CSMD1: variants seen among roughly 807,000 people sequenced by gnomAD.
CSMD1 encodes CUB and Sushi multiple domains 1.
CSMD1 carries 213 observed loss-of-function variants against 417.5 expected under a neutral mutation model. The ratio of observed to expected loss-of-function variants is 0.51; its 90% CI spans 0.46 to 0.57. CSMD1 has a LOEUF of 0.57. CSMD1 is among the 20% of genes least tolerant of loss of function. The pLI, the probability that CSMD1 is intolerant of heterozygous loss-of-function variation, is 0.00. For synonymous variants in CSMD1, 2,862 were observed against 1,736.8 expected (o/e 1.65, Z -16.11); for missense variants, 6,923 against 4,529.7 (o/e 1.53, Z -15.17).
intron 8 of CSMD1, among the ~76,000 whole-genome samples, chr8:3,599,905 G>A (rs575476461): frequency 6.6e-6 from 1 of 152,282 alleles, no homozygotes; most frequent in South Asian, 2.1e-4. Flanking sequence ...TCCCCTTCCA[G>A]AGGAAGCAAC....
intron 4 of CSMD1, among the ~76,000 whole-genome samples, chr8:4,015,225 T>G (rs559641107): frequency 2.5e-4 from 38 of 152,216 alleles, no homozygotes; most frequent in Non-Finnish European, 3.2e-4. Flanking sequence ...CATTTAAGAT[T>G]CATTTTACAA....
At chr8:4,345,554 A>T (rs1028435226) in intron 3 of CSMD1, among the ~76,000 whole-genome samples, 4 of 152,196 alleles carry the variant, frequency 2.6e-5, no homozygotes, top group Admixed American at 6.6e-5. Context: ...TATGCAAATC[A>T]CTCATCGGAC....
At chr8:4,906,777 C>T (rs1425080895) in intron 1 of CSMD1, among the ~76,000 whole-genome samples, 3 of 152,170 alleles carry the variant, frequency 2.0e-5, no homozygotes, top group African/African-American at 7.2e-5. Flanking sequence ...CCAGGTTGGT[C>T]TCCAACTCTT....
chr8:3,281,057 G>T (rs113861367), intron 26 of CSMD1, among the ~76,000 whole-genome samples: 1 of 152,098 alleles, frequency 6.6e-6, no homozygotes, highest in Admixed American at 6.5e-5. Context: ...GAAAACTTAC[G>T]TCCACACAAA....
intron 25 of CSMD1, among the ~76,000 whole-genome samples, chr8:3,303,224 G>C (rs1230709556): frequency 6.6e-6 from 1 of 152,078 alleles, no homozygotes; most frequent in African/African-American, 2.4e-5. Flanking sequence ...TATGTACAGA[G>C]GCTGGACATG....
At chr8:4,803,504 C>A (rs1423121159) in intron 1 of CSMD1, among the ~76,000 whole-genome samples, 1 of 152,240 alleles carries the variant, frequency 6.6e-6, no homozygotes, top group South Asian at 2.1e-4. Context: ...ATCTGCCCGA[C>A]ATTCAACAGA....
At chr8:3,996,186 TC>T (rs67152440) in intron 5 of CSMD1, among the ~76,000 whole-genome samples, 27,231 of 152,042 alleles carry the variant, frequency 0.18, 2,858 homozygotes, top group Non-Finnish European at 0.23. Context: ...CTCACTTGCT[TC>T]TACCTCTCTC....
At chr8:3,309,203 G>A (rs530306218) in intron 23 of CSMD1, among the ~76,000 whole-genome samples, 15 of 152,148 alleles carry the variant, frequency 9.9e-5, no homozygotes, top group South Asian at 2.1e-4. Context: ...GCCACCTATC[G>A]GCACTGCCAG....
chr8:3,240,303 G>A (rs554096306), intron 26 of CSMD1, among the ~76,000 whole-genome samples: 6 of 152,272 alleles, frequency 3.9e-5, no homozygotes, highest in Admixed American at 1.3e-4. Flanking sequence ...GAGGAGTGGG[G>A]AAAGGACTTA....
chr8:3,359,019 G>T, intron 21 of CSMD1, 133 bp downstream of exon 21: 1 of 752,378 alleles, frequency 1.3e-6, no homozygotes, highest in Non-Finnish European at 2.2e-6. Context: ...CTGGTTGGCA[G>T]AGTGGAGCCC....
intron 3 of CSMD1, among the ~76,000 whole-genome samples, chr8:4,405,727 T>C (rs1057268268): frequency 2.6e-5 from 4 of 152,212 alleles, no homozygotes; most frequent in Non-Finnish European, 4.4e-5. Context: ...GAAACCATCT[T>C]TGAAGTTAGT....
chr8:3,874,771 G>C (rs1255959057), intron 5 of CSMD1, among the ~76,000 whole-genome samples: 1 of 152,118 alleles, frequency 6.6e-6, no homozygotes, highest in South Asian at 2.1e-4. Context: ...GACGGGGAAG[G>C]ACAGGGTTTG....
At chr8:3,592,105 T>A (rs1227761284) in intron 8 of CSMD1, among the ~76,000 whole-genome samples, 2 of 151,904 alleles carry the variant, frequency 1.3e-5, no homozygotes, top group Admixed American at 1.3e-4. Flanking sequence ...GATAAATAGA[T>A]GGATAGATAC....
intron 5 of CSMD1, among the ~76,000 whole-genome samples, chr8:3,832,980 G>A (rs970515832): frequency 1.3e-4 from 20 of 152,054 alleles, no homozygotes; most frequent in Non-Finnish European, 1.9e-4. Context: ...GAGAAATATA[G>A]ACACTGTTTT....
At chr8:4,510,250 C>T (rs1427376004) in intron 2 of CSMD1, among the ~76,000 whole-genome samples, 1 of 151,918 alleles carries the variant, frequency 6.6e-6, no homozygotes, top group South Asian at 2.1e-4. Context: ...AAACCTCTTT[C>T]CTTTATAAAT....
intron 1 of CSMD1, among the ~76,000 whole-genome samples, chr8:4,643,662 A>G (rs1803342224): frequency 6.6e-6 from 1 of 152,238 alleles, no homozygotes; most frequent in Non-Finnish European, 1.5e-5. Flanking sequence ...ATTTCAATGA[A>G]GGAAGTGGAA....
intron 3 of CSMD1, among the ~76,000 whole-genome samples, chr8:4,184,626 G>T (rs908413956): frequency 1.3e-5 from 2 of 151,996 alleles, no homozygotes; most frequent in East Asian, 3.9e-4. Flanking sequence ...AAAATCAAAT[G>T]TTCTCATTTA....
intron 3 of CSMD1, among the ~76,000 whole-genome samples, chr8:4,346,044 G>C (rs1367178009): frequency 1.3e-5 from 2 of 152,092 alleles, no homozygotes; most frequent in Admixed American, 6.6e-5. Context: ...ATCATATCCA[G>C]ATTGTTCATG....
At chr8:4,100,525 T>C (rs2075977027) in intron 3 of CSMD1, among the ~76,000 whole-genome samples, 1 of 152,224 alleles carries the variant, frequency 6.6e-6, no homozygotes, top group South Asian at 2.1e-4. Flanking sequence ...AATGGGTATC[T>C]TATAGAAGTG....
Sources: gnomAD v4.1 joint callset for allele counts (sites outside exome capture counted in the v4.1 genomes callset) on GRCh38, gnomAD v4.1.1 for gene constraint, MANE v1.5 for transcripts, NCBI Gene and HGNC (gene_info 2026-07-23, HGNC 2026-07-21) for gene names.